Variants in STMN2 observed in about 807,000 individuals in gnomAD.
The protein encoded by STMN2 is stathmin-2.
In STMN2, 2 loss-of-function variants were observed where a neutral mutation model predicts 24.1. That is an observed-to-expected ratio of 0.08 (90% confidence interval 0.03 to 0.26). The LOEUF (loss-of-function observed/expected upper bound fraction) is 0.26. STMN2 is among the 10% of genes least tolerant of loss of function. STMN2 has a pLI of 1.00. For synonymous variants in STMN2, 83 were observed against 77.5 expected, an observed-to-expected ratio of 1.07 and a Z score of -0.37; for missense variants, 114 against 213.6, an observed-to-expected ratio of 0.53 and a Z score of 2.91.
chr8:79,619,494 C>T (rs1354630705), intron 1 of STMN2, among the ~76,000 whole-genome samples: 1 of 152,082 alleles, frequency 6.6e-6, no homozygotes, highest in Non-Finnish European at 1.5e-5. Context: ...ACCTAACTCA[C>T]ACGAAACAAC....
At chr8:79,646,516 C>G (rs1273542212) in intron 3 of STMN2, among the ~76,000 whole-genome samples, 1 of 151,784 alleles carries the variant, frequency 6.6e-6, no homozygotes, top group Admixed American at 6.6e-5. Context: ...GGGAGTAGGG[C>G]GGGCAGCTCT....
chr8:79,617,668 A>G (rs1454507035), intron 1 of STMN2, among the ~76,000 whole-genome samples: 1 of 152,242 alleles, frequency 6.6e-6, no homozygotes, highest in Non-Finnish European at 1.5e-5. Context: ...GGCTCTCTGT[A>G]TAACCTCATT....
intron 4 of STMN2, among the ~76,000 whole-genome samples, chr8:79,661,788 C>G (rs1039558523): frequency 6.6e-6 from 1 of 152,006 alleles, no homozygotes; most frequent in Non-Finnish European, 1.5e-5. Flanking sequence ...TGACTCCAAA[C>G]CTTTTTACTA....
At chr8:79,664,172 A>G (rs922586805) in intron 4 of STMN2, among the ~76,000 whole-genome samples, 1 of 152,248 alleles carries the variant, frequency 6.6e-6, no homozygotes, top group Non-Finnish European at 1.5e-5. Flanking sequence ...TCTCATAAAA[A>G]TCTTTATGGA....
chr8:79,655,021 G>A lies in STMN2; in HGVS notation c.439G>A (p.Glu147Lys). ...AATGGAACAAATTAAGGAAAACCGT[G>A]AGGCTAATCTAGCTGCTATTATTGA... ...LKMEQIKENREANLAAIIERL... is the reference protein window; with the variant it reads ...LKMEQIKENRKANLAAIIERL... Residue 147 changes from glutamate to lysine, a missense_variant, in exon 4 of 5, where the codon GAG (glutamate) becomes AAG (lysine). Physicochemically the swap from Glu to Lys is moderately conservative, Grantham distance 56 (BLOSUM62 1). Coordinates refer to ENST00000220876, the MANE Select transcript of STMN2 (RefSeq NM_007029.4). 1 of 1,614,012 alleles carries A rather than the reference G, an allele frequency of 6.2e-7. No individual in the cohort carries two copies. The highest frequency in any genetic ancestry group is 8.5e-7 in the Non-Finnish European group (1 of 1,179,934).
chr8:79,651,252 T>C (rs751018718), intron 3 of STMN2, among the ~76,000 whole-genome samples: 4 of 152,218 alleles, frequency 2.6e-5, no homozygotes, highest in South Asian at 2.1e-4. Context: ...GACCACACTC[T>C]GTACTGCCTT....
In STMN2 at chr8:79,662,399, G is replaced by C. The variant is rs149029619; in HGVS notation, c.481-2416G>C. On this transcript the variant is annotated intron_variant, in intron 4 of 4. Coordinates refer to ENST00000220876, the MANE Select transcript of STMN2 (RefSeq NM_007029.4). ...TCTCTGAGTATCACAACTGCTTTAG[G>C]AACCTCTAGATTCAAGGTCTAGTAA... is the stretch of plus-strand genomic sequence containing the variant. Among the ~76,000 whole-genome samples, 29 of 152,066 alleles carry C rather than the reference G, an allele frequency of 1.9e-4. No homozygotes were observed. The East Asian group carries it at 4.8e-3, about 25-fold the overall frequency.
In STMN2 at chr8:79,664,995, A is replaced by G; in HGVS notation, c.*121A>G. On this transcript the variant is annotated 3_prime_UTR_variant, in exon 5 of 5. Transcript: ENST00000220876. ...GTTTAAAAAGAACTCATTATAAAAA[A>G]AAAAAAACAAAAAAAATCAAAAATT... 1 of 854,678 alleles carries G rather than the reference A, an allele frequency of 1.2e-6. No homozygotes were observed. Among genetic ancestry groups the G allele is most frequent in the Non-Finnish European group, 1.6e-6 (1 of 629,648 alleles). 52.9% of individuals were successfully genotyped at this position (854,678 alleles called of 1,614,324 possible). A position where few individuals can be genotyped will look rare whatever the true frequency, so the allele number is the denominator to read the frequency against.
chr8:79,618,226 C>G (rs1364283781), intron 1 of STMN2, among the ~76,000 whole-genome samples: 2 of 152,158 alleles, frequency 1.3e-5, no homozygotes, highest in Non-Finnish European at 2.9e-5. Flanking sequence ...AATAGCTTAC[C>G]TGGGGCTTAT....
In STMN2 at chr8:79,664,828, C is replaced by T. The variant is rs994782000; in HGVS notation, c.494C>T (p.Ala165Val). 3.7e-6 allele frequency: 6 copies of T among 1,612,588 alleles called. No individual in the cohort carries two copies. The highest frequency in any genetic ancestry group is 2.7e-5 in the African/African-American group (2 of 74,812). ...ERLQEKERHA[A>V]EVRRNKELQV... Reference sequence around the variant, plus strand: ...TGTGTTTTTTAGGAGAGGCATGCTGCGGAGGTGCGCAGGAACAAGGAACTC... The same window carrying T: ...TGTGTTTTTTAGGAGAGGCATGCTGTGGAGGTGCGCAGGAACAAGGAACTC... The change falls in exon 5 of 5, where the codon GCG becomes GTG. Residue 165 changes from alanine (A) to valine (V), a missense_variant. Coordinates refer to ENST00000220876, the MANE Select transcript of STMN2 (RefSeq NM_007029.4).
intron 4 of STMN2, chr8:79,663,529 G>A: frequency 8.0e-7 from 1 of 1,247,044 alleles, no homozygotes. Context: ...AACCCTATAA[G>A]TGTAGACTCC....
chr8:79,641,287 C>G, intron 2 of STMN2, 91 bp from the exon 3 acceptor site: 3 of 1,376,468 alleles, frequency 2.2e-6, no homozygotes, highest in Non-Finnish European at 3.0e-6. Flanking sequence ...GGAATAACAA[C>G]GCTACTTCCA....
intron 4 of STMN2, among the ~76,000 whole-genome samples, chr8:79,663,846 A>C (rs747507180): frequency 6.6e-6 from 1 of 152,210 alleles, no homozygotes; most frequent in Non-Finnish European, 1.5e-5. Flanking sequence ...CACATACTAA[A>C]AAATACTTCC....
chr8:79,646,093 G>A (rs1483000303), intron 3 of STMN2, among the ~76,000 whole-genome samples: 1 of 152,072 alleles, frequency 6.6e-6, no homozygotes, highest in Non-Finnish European at 1.5e-5. Flanking sequence ...AGGGCCAAAT[G>A]TGAAAGCGGC....
At chr8:79,611,321 T>C in intron 1 of STMN2, 107 bp downstream of exon 1, 1 of 1,467,488 alleles carries the variant, frequency 6.8e-7, no homozygotes, top group Non-Finnish European at 9.4e-7. Flanking sequence ...GAAAAAGATG[T>C]TAATGGTAAC....
At chr8:79,618,071 T>C (rs1206001787) in intron 1 of STMN2, among the ~76,000 whole-genome samples, 2 of 152,382 alleles carry the variant, frequency 1.3e-5, no homozygotes, top group Non-Finnish European at 2.9e-5. Flanking sequence ...GTCTCATATC[T>C]GTTCCATGTT....
At chr8:79,625,069 C>G (rs1206535163) in intron 1 of STMN2, among the ~76,000 whole-genome samples, 1 of 152,148 alleles carries the variant, frequency 6.6e-6, no homozygotes, top group East Asian at 1.9e-4. Context: ...GTGACTTGCT[C>G]CTGATCACAA....
At chr8:79,641,220 T>C (rs967798944) in intron 2 of STMN2, among the ~76,000 whole-genome samples, 158 bp from the exon 3 acceptor site, 7 of 152,248 alleles carry the variant, frequency 4.6e-5, no homozygotes, top group African/African-American at 1.4e-4. Flanking sequence ...AGAGGTCTTA[T>C]ATGTTCTAAA....
At chr8:79,651,533 A>G (rs1323099029) in intron 3 of STMN2, among the ~76,000 whole-genome samples, 1 of 152,192 alleles carries the variant, frequency 6.6e-6, no homozygotes, top group Non-Finnish European at 1.5e-5. Flanking sequence ...GTGTTGCTGT[A>G]TTACCTTGTA....
Sources: allele counts gnomAD v4.1 joint callset (sites outside exome capture counted in the v4.1 genomes callset), GRCh38; gene constraint gnomAD v4.1.1; transcripts MANE v1.5; gene names NCBI Gene and HGNC (gene_info 2026-07-23, HGNC 2026-07-21).